QPRT: variants seen among roughly 807,000 people sequenced by gnomAD.
QPRT encodes the protein nicotinate-nucleotide pyrophosphorylase [carboxylating].
A neutral mutation model predicts 19.8 loss-of-function variants in QPRT; 17 were observed. The ratio of observed to expected loss-of-function variants is 0.86; its 90% confidence interval spans 0.59 to 1.29. The LOEUF (loss-of-function observed/expected upper bound fraction) is 1.29, where lower values mean the gene tolerates loss of function less well. Ranked by LOEUF, QPRT falls within the 50% of genes most tolerant of loss-of-function variation. QPRT has a pLI of 0.00. For missense variants in QPRT, 336 were observed against 405.1 expected (o/e 0.83, Z 1.46); for synonymous variants, 178 against 191.0 (o/e 0.93, Z 0.56).
intron 1 of QPRT, among the ~76,000 whole-genome samples, chr16:29,691,703 G>A (rs1047522985): frequency 6.6e-6 from 1 of 152,158 alleles, no homozygotes; most frequent in Non-Finnish European, 1.5e-5. Context: ...TCTCCTCCCT[G>A]CCGTTTGCTC....
chr16:29,694,785 G>A lies in QPRT; in HGVS notation c.135G>A (p.Ala45=), dbSNP rs533170094. ...LVSGAGPSQA[A]LWAKSPGVLA... ...GCGGGGCAGGCCCCTCGCAGGCGGC[G>A]CTGTGGGCCAAATCCCCTGGGGTAC... Residue 45 remains alanine, a synonymous_variant, in exon 2 of 4, where the codon GCG becomes GCA. Coordinates refer to ENST00000395384, the MANE Select transcript of QPRT (RefSeq NM_014298.6). The A allele has an allele frequency of 5.0e-6, 8 of 1,613,826 alleles. No individual in the cohort carries two copies. Among genetic ancestry groups the A allele is most frequent in the Admixed American group, 3.3e-5 (2 of 60,000 alleles).
chr16:29,687,533 C>T (rs112787499), intron 1 of QPRT, among the ~76,000 whole-genome samples: 8 of 152,190 alleles, frequency 5.3e-5, no homozygotes, highest in African/African-American at 1.4e-4. Flanking sequence ...TAATCTGTGA[C>T]AGGGATGACA....
intron 1 of QPRT, among the ~76,000 whole-genome samples, chr16:29,687,242 C>T (rs1463147849): frequency 6.6e-6 from 1 of 152,218 alleles, no homozygotes; most frequent in African/African-American, 2.4e-5. Flanking sequence ...TGGGCAAAGA[C>T]TGTGTCTGGC....
chr16:29,680,051 G>A (rs531281868), intron 1 of QPRT, among the ~76,000 whole-genome samples: 2 of 149,306 alleles, frequency 1.3e-5, no homozygotes, highest in African/African-American at 2.5e-5. Context: ...TCCGCCTCCC[G>A]GGTTCATGCC....
At chr16:29,693,333 C>T (rs137999276) in intron 1 of QPRT, among the ~76,000 whole-genome samples, 100 of 151,920 alleles carry the variant, frequency 6.6e-4, no homozygotes, top group African/African-American at 1.9e-3. Context: ...AGTGCAGTGG[C>T]ACGATCTCAG....
In QPRT at chr16:29,697,542, G is replaced by A; in HGVS notation, c.*131G>A. ...CTAGCTTGAGCCCAACTCTGGCTCT[G>A]CCACCTGCTGCTCCTGTGACCTGTC... On this transcript the variant is annotated 3_prime_UTR_variant, in exon 4 of 4. Transcript: ENST00000395384. The surrounding 1 kb of genome is among the most constrained non-coding windows in gnomAD (Gnocchi z 4.4). 1.1e-6 allele frequency: 1 copy of A among 893,658 alleles called. No individual in the cohort carries two copies. The highest frequency in any genetic ancestry group is 1.7e-6 in the Non-Finnish European group (1 of 600,170). 55.4% of individuals were successfully genotyped at this position (893,658 alleles called of 1,614,324 possible).
chr16:29,691,706 G>A (rs1967340598), intron 1 of QPRT, among the ~76,000 whole-genome samples: 1 of 152,116 alleles, frequency 6.6e-6, no homozygotes, highest in Non-Finnish European at 1.5e-5. Flanking sequence ...CCTCCCTGCC[G>A]TTTGCTCCCA....
intron 1 of QPRT, among the ~76,000 whole-genome samples, chr16:29,692,719 G>C (rs956506284): frequency 6.6e-6 from 1 of 152,098 alleles, no homozygotes; most frequent in African/African-American, 2.4e-5. Flanking sequence ...CACTGCAGGC[G>C]CCACAGTGGC....
intron 1 of QPRT, among the ~76,000 whole-genome samples, chr16:29,692,383 A>G (rs1447069721): frequency 6.6e-6 from 1 of 151,916 alleles, no homozygotes; most frequent in African/African-American, 2.4e-5. Context: ...GATTGAGACC[A>G]TCCCAGCTAA....
chr16:29,695,284 AC>A (rs1967495841), intron 2 of QPRT, 85 bp downstream of exon 2: 1 of 1,398,862 alleles, frequency 7.1e-7, no homozygotes, highest in Non-Finnish European at 9.4e-7. Flanking sequence ...TCCAGCCATG[AC>A]CGGGTGAACA....
intron 1 of QPRT, among the ~76,000 whole-genome samples, chr16:29,690,239 G>A (rs1371206134): frequency 6.6e-6 from 1 of 152,160 alleles, no homozygotes; most frequent in Non-Finnish European, 1.5e-5. Flanking sequence ...AGTATTCCAC[G>A]GTGTATGTGT....
At chr16:29,689,440 A>G (rs1006296719) in intron 1 of QPRT, among the ~76,000 whole-genome samples, 2 of 152,114 alleles carry the variant, frequency 1.3e-5, no homozygotes, top group Non-Finnish European at 2.9e-5. Context: ...GGTTTATTAT[A>G]TAGGTAAACT....
chr16:29,695,952 CTTTG>C (rs1226837901), intron 2 of QPRT: 1 of 152,320 alleles, frequency 6.6e-6, no homozygotes, highest in African/African-American at 2.4e-5. Flanking sequence ...GGTTCTTTAT[CTTTG>C]TTCTGCTGCT....
At chr16:29,681,955 T>C (rs563358270) in intron 1 of QPRT, among the ~76,000 whole-genome samples, 27 of 152,166 alleles carry the variant, frequency 1.8e-4, no homozygotes, top group Non-Finnish European at 4.0e-4. Context: ...GGTCTCGATC[T>C]CTTGACCTTG....
At chr16:29,688,659 A>G (rs959247228) in intron 1 of QPRT, among the ~76,000 whole-genome samples, 1 of 152,040 alleles carries the variant, frequency 6.6e-6, no homozygotes, top group African/African-American at 2.4e-5. Context: ...AGCTGGGATT[A>G]CAGGCACATG....
Position 29,697,552 on chromosome 16 carries a change from G to C in QPRT, c.*141G>C. 1 of 840,078 alleles carries C rather than the reference G, an allele frequency of 1.2e-6. No individual in the cohort carries two copies. Among genetic ancestry groups the C allele is most frequent in the Non-Finnish European group, 1.8e-6 (1 of 552,358 alleles). The allele number at this position is 840,078 out of a possible 1,614,324, so 52.0% of individuals were successfully genotyped here. The stretch of plus-strand genomic sequence containing the variant: ...CCCAACTCTGGCTCTGCCACCTGCT[G>C]CTCCTGTGACCTGTCAGGGCTGACT... On this transcript the variant is annotated 3_prime_UTR_variant, in exon 4 of 4. Transcript: ENST00000395384. This position sits in a 1 kb window ranked among gnomAD's most constrained non-coding sequence, Gnocchi z 4.4.
At chr16:29,689,391 G>A (rs780642050) in intron 1 of QPRT, among the ~76,000 whole-genome samples, 4 of 152,066 alleles carry the variant, frequency 2.6e-5, no homozygotes, top group Non-Finnish European at 5.9e-5. Context: ...CACCATGCCC[G>A]GCCTTAACTT....
chr16:29,691,363 T>TAA (rs1967323799), intron 1 of QPRT, among the ~76,000 whole-genome samples: 1 of 10,546 alleles, frequency 9.5e-5, no homozygotes, highest in African/African-American at 5.0e-4. Flanking sequence ...AAGCTCTGCA[T>TAA]CAAAAAAAAA....
In QPRT at chr16:29,697,074, C is replaced by T. The variant is rs1441148749; in HGVS notation, c.628C>T (p.Gln210Ter). The change falls in exon 3 of 4, where the codon CAG becomes TAG. Residue 210 changes from glutamine to a stop codon, truncating the protein, a stop_gained. Transcript: ENST00000395384. LOFTEE classifies it high-confidence loss of function. This position sits in a 1 kb window ranked among gnomAD's most constrained non-coding sequence, Gnocchi z 4.4. The part of the protein sequence containing the change: ...VECSSLQEAV[Q>*]AAEAGADLVL... ...ATGCAGCAGCCTGCAGGAGGCCGTG[C>T]AGGCAGCTGAGGCTGGTGCCGACCT... 2 of 1,611,784 alleles carry T rather than the reference C, an allele frequency of 1.2e-6. No homozygotes were observed. Among genetic ancestry groups the T allele is most frequent in the Admixed American group, 1.7e-5 (1 of 59,808 alleles).
Sources: gnomAD v4.1 joint callset for allele counts (sites outside exome capture counted in the v4.1 genomes callset) on GRCh38, gnomAD v4.1.1 for gene constraint, Gnocchi (gnomAD v3.1) non-coding constraint, MANE v1.5 for transcripts, NCBI Gene and HGNC (gene_info 2026-07-23, HGNC 2026-07-21) for gene names.